Variants in STK3 observed in about 807,000 individuals in gnomAD.
STK3 encodes serine/threonine kinase 3.
In STK3, 41 loss-of-function variants were observed where a neutral mutation model predicts 58.0. The observed-to-expected ratio is 0.71, with a 90% CI of 0.55 to 0.92. The LOEUF (loss-of-function observed/expected upper bound fraction) is 0.92. Ranked by LOEUF, STK3 falls within the 40% of genes least tolerant of loss-of-function variation. The probability of loss-of-function intolerance (pLI) is 0.00; values close to 1 mark genes in which losing one functional copy is unlikely to be tolerated. For synonymous variants in STK3, 170 were observed against 191.0 expected (o/e 0.89, Z 0.91); for missense variants, 479 against 602.7 (o/e 0.79, Z 2.15).
chr8:98,895,469 T>G (rs1269096019), intron 1 of STK3, among the ~76,000 whole-genome samples: 2 of 152,186 alleles, frequency 1.3e-5, no homozygotes. Context: ...AGGGTTAGAC[T>G]GGATTTGAGC....
At chr8:98,876,392 G>A (rs1362547578) in intron 3 of STK3, among the ~76,000 whole-genome samples, 1 of 152,082 alleles carries the variant, frequency 6.6e-6, no homozygotes, top group Non-Finnish European at 1.5e-5. Context: ...TCTCTCAATG[G>A]ATCCAGCCAC....
At chr8:98,587,605 C>G (rs900730497) in intron 7 of STK3, among the ~76,000 whole-genome samples, 1 of 152,042 alleles carries the variant, frequency 6.6e-6, no homozygotes, top group African/African-American at 2.4e-5. Context: ...CTGTAGATGT[C>G]TATTAGTTCC....
intron 3 of STK3, among the ~76,000 whole-genome samples, chr8:98,755,370 T>C (rs1037813291): frequency 1.3e-5 from 2 of 152,194 alleles, no homozygotes; most frequent in East Asian, 1.9e-4. Flanking sequence ...TTACTAACCA[T>C]GGCAAGAAAA....
At chr8:98,714,987 A>G (rs1356555440) in intron 4 of STK3, among the ~76,000 whole-genome samples, 2 of 152,224 alleles carry the variant, frequency 1.3e-5, no homozygotes, top group African/African-American at 4.8e-5. Context: ...GCATATCTAC[A>G]ACTACCTGAT....
chr8:98,825,970 C>G (rs532828267), upstream of STK3, among the ~76,000 whole-genome samples: 6 of 148,472 alleles, frequency 4.0e-5, no homozygotes, highest in African/African-American at 1.5e-4. Context: ...CCTGGGTTGG[C>G]GGGCGGGGCC....
intron 10 of STK3, among the ~76,000 whole-genome samples, chr8:98,495,892 A>G (rs1823098604): frequency 6.6e-6 from 1 of 152,222 alleles, no homozygotes; most frequent in Admixed American, 6.5e-5. Flanking sequence ...CCTTGAAATG[A>G]CAAGTTATCA....
intron 6 of STK3, among the ~76,000 whole-genome samples, chr8:98,694,509 C>A (rs1046410591): frequency 6.6e-5 from 10 of 152,068 alleles, no homozygotes; most frequent in Admixed American, 2.6e-4. Flanking sequence ...ACTCCCCGCA[C>A]CCCAGAACAG....
intron 3 of STK3, chr8:98,427,950 C>T: frequency 1.4e-6 from 2 of 1,470,542 alleles, no homozygotes; most frequent in South Asian, 1.4e-5. Context: ...GTAGCGCCCC[C>T]GCGCGGCGCG....
intron 8 of STK3, among the ~76,000 whole-genome samples, chr8:98,556,351 C>T (rs1338597346): frequency 1.3e-5 from 2 of 151,872 alleles, no homozygotes; most frequent in African/African-American, 2.4e-5. Context: ...TAAAATCTAG[C>T]CAAACGTGAA....
At chr8:98,774,656 C>T in intron 2 of STK3, 83 bp downstream of exon 2, 1 of 944,458 alleles carries the variant, frequency 1.1e-6, no homozygotes, top group Admixed American at 3.0e-5. Context: ...TACGAATATA[C>T]TCTAGTTGAA....
intron 1 of STK3, 149 bp downstream of exon 1, chr8:98,825,366 G>A (rs1057185179): frequency 7.7e-5 from 46 of 596,780 alleles, no homozygotes; most frequent in Admixed American, 1.0e-4. Flanking sequence ...AGACGCGGCG[G>A]GACACTCGGA....
At chr8:98,881,327 A>G (rs1837785007), downstream of STK3, 1 of 152,226 alleles carries the variant, frequency 6.6e-6, no homozygotes, top group Non-Finnish European at 1.5e-5. Context: ...AAAAGGCAAA[A>G]CTATGGAGAC....
intron 9 of STK3, among the ~76,000 whole-genome samples, chr8:98,532,007 C>G (rs1826201687): frequency 6.6e-6 from 1 of 152,186 alleles, no homozygotes; most frequent in Non-Finnish European, 1.5e-5. Flanking sequence ...CAAACTTTCT[C>G]CATATCAGAA....
chr8:98,715,436 GA>G (rs1044548878), intron 4 of STK3, among the ~76,000 whole-genome samples: 17 of 145,132 alleles, frequency 1.2e-4, no homozygotes, highest in East Asian at 8.1e-4. Context: ...AAATTTACAA[GA>G]AAAAAAAAAC....
At chr8:98,581,826 C>A (rs1300113213) in intron 7 of STK3, among the ~76,000 whole-genome samples, 1 of 151,858 alleles carries the variant, frequency 6.6e-6, no homozygotes, top group Non-Finnish European at 1.5e-5. Context: ...TTCTTTCCAC[C>A]TTTTAGAGTC....
At chr8:98,449,439 A>G (rs1482089681) in intron 1 of STK3, among the ~76,000 whole-genome samples, 1 of 152,218 alleles carries the variant, frequency 6.6e-6, no homozygotes, top group Non-Finnish European at 1.5e-5. Context: ...TAAAACATAA[A>G]TTTAATTTTG....
chr8:98,822,845 A>G (rs1834995124), intron 1 of STK3, among the ~76,000 whole-genome samples: 1 of 152,202 alleles, frequency 6.6e-6, no homozygotes, highest in Non-Finnish European at 1.5e-5. Flanking sequence ...CCTGGCCAAC[A>G]TGGCGAAACG....
At chr8:98,610,314 T>C (rs757148314) in intron 6 of STK3, among the ~76,000 whole-genome samples, 3 of 152,218 alleles carry the variant, frequency 2.0e-5, no homozygotes, top group African/African-American at 7.2e-5. Flanking sequence ...ATACTAGTCA[T>C]TAGCAGTTTT....
intron 1 of STK3, among the ~76,000 whole-genome samples, chr8:98,799,468 T>C (rs767072375): frequency 2.2e-5 from 3 of 137,918 alleles, no homozygotes; most frequent in East Asian, 4.7e-4. Context: ...GAAAGGGAGA[T>C]AGAATTAGTA....
Sources: allele counts gnomAD v4.1 joint callset (sites outside exome capture counted in the v4.1 genomes callset), GRCh38; gene constraint gnomAD v4.1.1; transcripts MANE v1.5; gene names NCBI Gene and HGNC (gene_info 2026-07-23, HGNC 2026-07-21).